The following MAPT variants were observed in gnomAD, a reference collection of about 807,000 sequenced individuals.
The protein encoded by MAPT is microtubule-associated protein tau.
A neutral mutation model predicts 67.9 loss-of-function variants in MAPT; 34 were observed. The observed-to-expected ratio is 0.50, with a 90% CI of 0.38 to 0.67. The LOEUF (loss-of-function observed/expected upper bound fraction) is 0.67. MAPT is among the 30% of genes least tolerant of loss of function. The pLI, the probability that MAPT is intolerant of heterozygous loss-of-function variation, is 0.00. For synonymous variants in MAPT, 456 were observed against 464.5 expected, an observed-to-expected ratio of 0.98 and a Z score of 0.23; for missense variants, 881 against 1,115.2, an observed-to-expected ratio of 0.79 and a Z score of 2.99.
intron 1 of MAPT, among the ~76,000 whole-genome samples, chr17:45,949,349 G>C (rs978898716): frequency 1.3e-5 from 2 of 152,220 alleles, no homozygotes; most frequent in East Asian, 1.9e-4. Flanking sequence ...ATGCGCCCGC[G>C]GTGTAGGAGA....
At chr17:45,949,197 G>A (rs1026157402) in intron 1 of MAPT, among the ~76,000 whole-genome samples, 2 of 152,248 alleles carry the variant, frequency 1.3e-5, no homozygotes, top group African/African-American at 2.4e-5. Flanking sequence ...AGTCACCGCG[G>A]GCGCCTGGTG....
chr17:45,999,648 G>A (rs764685854), intron 9 of MAPT: 75 of 1,605,600 alleles, frequency 4.7e-5, no homozygotes, highest in African/African-American at 9.4e-5. Context: ...AGAGTCAGGC[G>A]ACCTCATGCC....
Position 45,952,121 on chromosome 17 carries a change from AG to A in MAPT, c.-17-10199del, listed in dbSNP as rs374438465. On this transcript the variant is annotated intron_variant, in intron 1 of 12. Coordinates refer to ENST00000262410, the MANE Select transcript of MAPT (RefSeq NM_001377265.1). ...ATGACACGTCTGGTCCAGGCTGCGTAGTCACCTCAAGGGCATGCTTATTGAT... is the reference window on the plus strand; with the variant it reads ...ATGACACGTCTGGTCCAGGCTGCGTATCACCTCAAGGGCATGCTTATTGAT... Among the ~76,000 whole-genome samples, 47 of 151,786 alleles carry A rather than the reference AG, an allele frequency of 3.1e-4. 1 individual carries two copies. The highest frequency in any genetic ancestry group is 9.9e-4 in the African/African-American group (41 of 41,542).
intron 10 of MAPT, among the ~76,000 whole-genome samples, chr17:46,013,406 C>A (rs539947768): frequency 4.4e-4 from 67 of 152,352 alleles, no homozygotes; most frequent in African/African-American, 1.6e-3. Context: ...GGTTCTTTGA[C>A]TGAGATCAGC....
chr17:45,963,785 C>T (rs2070724772), intron 2 of MAPT, among the ~76,000 whole-genome samples: 2 of 152,226 alleles, frequency 1.3e-5, no homozygotes, highest in Middle Eastern at 6.8e-3. Context: ...AAGCTGGGAC[C>T]ACCAGCTTTC....
Position 45,983,515 on chromosome 17 carries a change from C to T in MAPT, c.936C>T (p.Ala312=), listed in dbSNP as rs1286324253. Residue 312 remains alanine (A), a synonymous_variant, in exon 5 of 13, where the codon GCC becomes GCT. Coordinates refer to ENST00000262410, the MANE Select transcript of MAPT (RefSeq NM_001377265.1). ...SSPQDSPPSK[A]SPAQDGRPPQ... ...CCCAAGACTCCCCTCCCTCCAAGGCCTCCCCAGCCCAAGATGGGCGGCCTC... is the reference window on the plus strand; with the variant it reads ...CCCAAGACTCCCCTCCCTCCAAGGCTTCCCCAGCCCAAGATGGGCGGCCTC... 6.2e-7 allele frequency: 1 copy of T among 1,612,904 alleles called. No individual in the cohort carries two copies. The highest frequency in any genetic ancestry group is 8.5e-7 in the Non-Finnish European group (1 of 1,179,892).
At chr17:45,905,121 T>G (rs757623752) in intron 1 of MAPT, among the ~76,000 whole-genome samples, 3 of 152,220 alleles carry the variant, frequency 2.0e-5, no homozygotes, top group Non-Finnish European at 4.4e-5. Context: ...CCTCTGCTGC[T>G]GGTCCCCATG....
intron 1 of MAPT, among the ~76,000 whole-genome samples, chr17:45,952,778 G>A (rs1448123594): frequency 6.6e-6 from 1 of 152,110 alleles, no homozygotes; most frequent in Non-Finnish European, 1.5e-5. Context: ...TGAGAGAAGT[G>A]GCTTGGTTAC....
chr17:46,021,668 G>A (rs954910704), intron 12 of MAPT, among the ~76,000 whole-genome samples: 2 of 152,192 alleles, frequency 1.3e-5, no homozygotes, highest in African/African-American at 4.8e-5. Context: ...TACGTCCCGG[G>A]GTGGTTGTGA....
At chr17:45,982,269 C>T (rs1278386510) in intron 4 of MAPT, among the ~76,000 whole-genome samples, 1 of 141,934 alleles carries the variant, frequency 7.0e-6, no homozygotes, top group African/African-American at 2.7e-5. Context: ...TTGCAGTGAG[C>T]TGAGATCGTG....
chr17:45,919,464 G>A (rs976561357), intron 1 of MAPT, among the ~76,000 whole-genome samples: 4 of 152,212 alleles, frequency 2.6e-5, no homozygotes, highest in African/African-American at 9.6e-5. Flanking sequence ...CGCCAGGCCG[G>A]ATCCACGAAC....
At position 45,983,437 on chromosome 17, in the gene MAPT, G is replaced by T. The variant is rs2073190443; in HGVS notation, c.858G>T (p.Arg286Ser). 6.2e-7 allele frequency: 1 copy of T among 1,606,968 alleles called. No homozygotes were observed. Among genetic ancestry groups the T allele is most frequent in the Admixed American group, 1.7e-5 (1 of 59,652 alleles). ...TGAAGGGGGCAGGGGGCAAAGAGAGGCCGGGGAGCAAGGAGGAGGTGGATG... is the reference window on the plus strand; with the variant it reads ...TGAAGGGGGCAGGGGGCAAAGAGAGTCCGGGGAGCAAGGAGGAGGTGGATG... ...PPLKGAGGKE[R>S]PGSKEEVDED... Residue 286 changes from arginine (R) to serine (S), a missense_variant, in exon 5 of 13, where the codon AGG becomes AGT. Arg to Ser is a moderately radical substitution (Grantham distance 110, BLOSUM62 -1). This residue lies in a region of MAPT where 687 missense variants were observed against 766.1 expected (regional missense o/e 0.90). Transcript: ENST00000262410.
chr17:46,016,961 C>T (rs879942724), intron 11 of MAPT, among the ~76,000 whole-genome samples: 4 of 152,164 alleles, frequency 2.6e-5, no homozygotes, highest in Admixed American at 1.3e-4. Flanking sequence ...CACCCCACCC[C>T]GAGAGTCCAG....
rs2075783419 is a variant in MAPT, at chr17:46,010,963, C to T, written c.2091+561C>T. On this transcript the variant is annotated intron_variant, in intron 10 of 12. Coordinates refer to ENST00000262410, the MANE Select transcript of MAPT (RefSeq NM_001377265.1). The surrounding 1 kb of genome is among the most constrained non-coding windows in gnomAD (Gnocchi z 4.7). ...TACACGTTCAAGGCAGGAGCCGATT[C>T]CTAAGCCTCCAGCTTATGCTTAGCC... is the stretch of plus-strand genomic sequence containing the variant. Among the ~76,000 whole-genome samples the T allele has an allele frequency of 6.6e-6, 1 of 152,260 alleles. No individual in the cohort carries two copies. Among genetic ancestry groups the T allele is most frequent in the Non-Finnish European group, 1.5e-5 (1 of 68,042 alleles).
chr17:45,936,332 T>C (rs1031918988), intron 1 of MAPT, among the ~76,000 whole-genome samples: 4 of 152,230 alleles, frequency 2.6e-5, no homozygotes, highest in Non-Finnish European at 5.9e-5. Context: ...CGCTCCATCC[T>C]GTTTGTGTCG....
At chr17:45,958,593 C>T (rs915586824) in intron 1 of MAPT, among the ~76,000 whole-genome samples, 21 of 152,056 alleles carry the variant, frequency 1.4e-4, no homozygotes, top group Non-Finnish European at 8.8e-5. Flanking sequence ...TGATGGCACA[C>T]GCCTGTAGTC....
chr17:45,900,855 G>A (rs1022075756), intron 1 of MAPT, among the ~76,000 whole-genome samples: 2 of 152,112 alleles, frequency 1.3e-5, no homozygotes, highest in Admixed American at 1.3e-4. Context: ...CCTGTCTCAC[G>A]GGTTGCCATG....
intron 9 of MAPT, among the ~76,000 whole-genome samples, chr17:46,007,284 A>T (rs2075511615): frequency 6.6e-6 from 1 of 152,194 alleles, no homozygotes; most frequent in Admixed American, 6.5e-5. Flanking sequence ...CAGGAGTTTG[A>T]GACCGGCCTG....
At chr17:45,953,588 A>G (rs973091911) in intron 1 of MAPT, among the ~76,000 whole-genome samples, 2 of 152,230 alleles carry the variant, frequency 1.3e-5, no homozygotes, top group African/African-American at 2.4e-5. Flanking sequence ...TGCATAGTAA[A>G]TAGTAGCCTG....
Sources: gnomAD v4.1 joint callset for allele counts (sites outside exome capture counted in the v4.1 genomes callset) on GRCh38, gnomAD v4.1.1 for gene constraint, gnomAD v4.1.1 regional missense constraint, Gnocchi (gnomAD v3.1) non-coding constraint, MANE v1.5 for transcripts, NCBI Gene and HGNC (gene_info 2026-07-23, HGNC 2026-07-21) for gene names.